Variants in SIK3 observed in about 807,000 individuals in gnomAD.
The protein encoded by SIK3 is SIK family kinase 3.
A neutral mutation model predicts 144.2 loss-of-function variants in SIK3; 28 were observed. The observed-to-expected ratio is 0.19, with a 90% CI of 0.14 to 0.27. The LOEUF is 0.27. Among genes scored for constraint, SIK3 ranks in the 10% least tolerant of loss-of-function variants. The probability of loss-of-function intolerance (pLI) is 1.00; values close to 1 mark genes in which losing one functional copy is unlikely to be tolerated. For missense variants in SIK3, 1,319 were observed against 1,776.0 expected, an observed-to-expected ratio of 0.74 and a Z score of 4.62; for synonymous variants, 686 against 676.3, an observed-to-expected ratio of 1.01 and a Z score of -0.22.
intron 1 of SIK3, among the ~76,000 whole-genome samples, chr11:116,966,168 C>T (rs1296688726): frequency 6.6e-6 from 1 of 152,138 alleles, no homozygotes; most frequent in African/African-American, 2.4e-5. Context: ...CCTGGTGGCT[C>T]ATGCTGTAAT....
chr11:117,062,000 G>A (rs1298112530), intron 1 of SIK3, among the ~76,000 whole-genome samples: 2 of 151,482 alleles, frequency 1.3e-5, no homozygotes, highest in South Asian at 2.1e-4. Context: ...TAAACTGATA[G>A]GGCAATTGGG....
At chr11:117,002,149 C>A (rs1950875678) in intron 1 of SIK3, among the ~76,000 whole-genome samples, 1 of 152,200 alleles carries the variant, frequency 6.6e-6, no homozygotes, top group South Asian at 2.1e-4. Context: ...TTAAAGTTTG[C>A]CATTTGAACA....
intron 4 of SIK3, among the ~76,000 whole-genome samples, chr11:116,926,912 T>C (rs560224849): frequency 1.3e-5 from 2 of 151,796 alleles, no homozygotes; most frequent in African/African-American, 4.8e-5. Context: ...TCCTAGCTAC[T>C]TGGGAGGCTG....
chr11:116,848,374 T>G (rs1243114415), intron 22 of SIK3, among the ~76,000 whole-genome samples: 1 of 151,784 alleles, frequency 6.6e-6, no homozygotes, highest in Non-Finnish European at 1.5e-5. Flanking sequence ...AAAAATAAAG[T>G]GTAACTGGTG....
chr11:116,981,323 T>C (rs1052118390), intron 1 of SIK3, among the ~76,000 whole-genome samples: 1 of 152,198 alleles, frequency 6.6e-6, no homozygotes, highest in African/African-American at 2.4e-5. Flanking sequence ...CTGGTGCCAC[T>C]GGCCTGAGAC....
chr11:116,987,769 T>C lies in SIK3; in HGVS notation c.274-30705A>G, dbSNP rs546621832. Among the ~76,000 whole-genome samples, 59 of 152,258 alleles carry C rather than the reference T, an allele frequency of 3.9e-4. 2 individuals carry two copies. Among genetic ancestry groups the C allele is most frequent in the Admixed American group, 1.2e-3 (19 of 15,296 alleles). ...AACCACGTCCACCAGAATAAGAAAC[T>C]ATACTTTTGACTGTATTTTTAAACT... On this transcript the variant is annotated intron_variant, in intron 1 of 24. Transcript: ENST00000445177.
At chr11:116,996,342 A>G (rs1218784857) in intron 1 of SIK3, among the ~76,000 whole-genome samples, 2 of 152,300 alleles carry the variant, frequency 1.3e-5, no homozygotes, top group Non-Finnish European at 2.9e-5. Flanking sequence ...AATTTTATTC[A>G]ATAAACAATA....
chr11:117,018,993 G>C (rs1349493696), intron 1 of SIK3, among the ~76,000 whole-genome samples: 5 of 151,950 alleles, frequency 3.3e-5, no homozygotes. Context: ...ATTACAGGGT[G>C]AGCCACTGCA....
intron 4 of SIK3, among the ~76,000 whole-genome samples, chr11:116,912,682 T>C (rs186488169): frequency 6.6e-6 from 1 of 152,272 alleles, no homozygotes; most frequent in East Asian, 1.9e-4. Context: ...GATATTTACT[T>C]ACCCTAAATG....
chr11:116,914,044 CCTAG>C (rs1946480828), intron 4 of SIK3, among the ~76,000 whole-genome samples: 7 of 151,784 alleles, frequency 4.6e-5, no homozygotes. Flanking sequence ...TAAGGTGTTA[CCTAG>C]AAATTAAGAG....
chr11:116,891,958 T>C (rs1417938802), intron 6 of SIK3, among the ~76,000 whole-genome samples: 1 of 152,174 alleles, frequency 6.6e-6, no homozygotes, highest in Admixed American at 6.5e-5. Flanking sequence ...TGTGCTGGCC[T>C]TGGTCAGATG....
At chr11:117,045,694 C>A (rs542166367) in intron 1 of SIK3, among the ~76,000 whole-genome samples, 1 of 152,278 alleles carries the variant, frequency 6.6e-6, no homozygotes, top group South Asian at 2.1e-4. Flanking sequence ...ACAACACTTA[C>A]GACAAGCCAT....
chr11:117,002,565 G>GTT (rs1950892547), intron 1 of SIK3, among the ~76,000 whole-genome samples: 1 of 151,346 alleles, frequency 6.6e-6, no homozygotes, highest in Admixed American at 6.6e-5. Flanking sequence ...GGTCCATCTG[G>GTT]GCAATAGCTC....
At chr11:116,877,950 A>G (rs1301012081) in intron 6 of SIK3, among the ~76,000 whole-genome samples, 3 of 152,204 alleles carry the variant, frequency 2.0e-5, no homozygotes, top group Non-Finnish European at 1.5e-5. Context: ...CATTGTTCCC[A>G]TTTTAGGAAT....
intron 1 of SIK3, among the ~76,000 whole-genome samples, chr11:116,973,031 T>C (rs74655990): frequency 0.025 from 3,736 of 152,142 alleles, 84 homozygotes; most frequent in South Asian, 0.11. Flanking sequence ...TCCTCACTCA[T>C]AAAGCAATTC....
At chr11:116,976,096 T>G (rs989466801) in intron 1 of SIK3, among the ~76,000 whole-genome samples, 1 of 152,252 alleles carries the variant, frequency 6.6e-6, no homozygotes, top group African/African-American at 2.4e-5. Context: ...TTTTTATATA[T>G]TCTAGATACA....
intron 1 of SIK3, among the ~76,000 whole-genome samples, chr11:117,026,002 A>C (rs1406734492): frequency 6.6e-6 from 1 of 152,224 alleles, no homozygotes; most frequent in East Asian, 1.9e-4. Context: ...CATGCATAAA[A>C]CAAAATCCTT....
intron 6 of SIK3, among the ~76,000 whole-genome samples, chr11:116,895,592 C>T (rs1945355332): frequency 6.7e-6 from 1 of 150,054 alleles, no homozygotes; most frequent in South Asian, 2.1e-4. Context: ...TGACTTTTTG[C>T]GTTCTCTAAA....
chr11:116,902,251 G>T (rs1282237163), intron 4 of SIK3, among the ~76,000 whole-genome samples: 1 of 152,128 alleles, frequency 6.6e-6, no homozygotes, highest in Non-Finnish European at 1.5e-5. Flanking sequence ...GTTTAAATTC[G>T]CCTATAAGCA....
Sources: gnomAD v4.1 joint callset for allele counts (sites outside exome capture counted in the v4.1 genomes callset) on GRCh38, gnomAD v4.1.1 for gene constraint, MANE v1.5 for transcripts, NCBI Gene and HGNC (gene_info 2026-07-23, HGNC 2026-07-21) for gene names.